Variants in ZNF665 observed in about 807,000 individuals in gnomAD.
The protein encoded by ZNF665 is zinc finger protein 665.
ZNF665 carries 6 observed loss-of-function variants against 7.9 expected under a neutral mutation model. The observed-to-expected ratio is 0.76, with a 90% confidence interval of 0.42 to 1.50. The LOEUF (loss-of-function observed/expected upper bound fraction) is 1.50. Ranked by LOEUF, ZNF665 falls within the 40% of genes most tolerant of loss-of-function variation. ZNF665 has a pLI of 0.01. For missense variants in ZNF665, 819 were observed against 806.7 expected (o/e 1.02, Z -0.18); for synonymous variants, 242 against 274.5 (o/e 0.88, Z 1.17).
Position 53,178,577 on chromosome 19 carries a change from T to A in ZNF665, c.16-3006A>T, listed in dbSNP as rs576191086. On this transcript the variant is annotated intron_variant, in intron 2 of 3. Coordinates refer to ENST00000396424, the MANE Select transcript of ZNF665 (RefSeq NM_024733.5). ...TGTTTCTACAAAAAAGTAAAAATTA[T>A]TAAAAGTAAAAATAAATAAATACAA... Among the ~76,000 whole-genome samples, 35 of 152,106 alleles carry A rather than the reference T, an allele frequency of 2.3e-4. 1 individual carries two copies. In the East Asian group the frequency reaches 5.0e-3, roughly 22 times the overall value.
rs1266846836 is a variant in ZNF665, at chr19:53,162,435, A to G, written c.*2018T>C. The G allele has an allele frequency of 6.6e-6, 1 of 152,236 alleles. No individual in the cohort carries two copies. The highest frequency in any genetic ancestry group is 1.5e-5 in the Non-Finnish European group (1 of 68,046). The allele number at this position is 152,236 out of a possible 1,614,324, so 9.4% of individuals were successfully genotyped here. A position where few individuals can be genotyped will look rare whatever the true frequency, so the allele number is the denominator to read the frequency against. On this transcript the variant is annotated 3_prime_UTR_variant, in exon 4 of 4. Coordinates refer to ENST00000396424, the MANE Select transcript of ZNF665 (RefSeq NM_024733.5). ...TGATTCATTCATACTTATAAAATAC[A>G]TCAAATTTTATTAGTTAAAACATTA...
At chr19:53,173,656 A>G (rs1290455740) in intron 3 of ZNF665, among the ~76,000 whole-genome samples, 1 of 152,066 alleles carries the variant, frequency 6.6e-6, no homozygotes, top group Non-Finnish European at 1.5e-5. Flanking sequence ...TACAGGGGAA[A>G]GCCACCGCAT....
chr19:53,167,778 G>A lies in ZNF665; in HGVS notation c.143-1431C>T, dbSNP rs989197223. ...TCTCTTGAGAAAAGAGGAGTCTGCC[G>A]GGCGCCGGTGGCTCCCGCCTGTAAT... On this transcript the variant is annotated intron_variant, in intron 3 of 3. Coordinates refer to ENST00000396424, the MANE Select transcript of ZNF665 (RefSeq NM_024733.5). Among the ~76,000 whole-genome samples the A allele has an allele frequency of 1.8e-4, 27 of 148,686 alleles. 1 individual carries two copies. The highest frequency in any genetic ancestry group is 6.2e-4 in the East Asian group (3 of 4,846).
At position 53,183,523 on chromosome 19, in the gene ZNF665, C is replaced by A. The variant is rs185000856; in HGVS notation, c.-45-580G>T. 9.7e-3 allele frequency among the ~76,000 whole-genome samples: 1,470 copies of A among 152,214 alleles called. 16 individuals are homozygous for A. Among genetic ancestry groups the A allele is most frequent in the African/African-American group, 0.021 (890 of 41,540 alleles). On this transcript the variant is annotated intron_variant, in intron 1 of 3. Transcript: ENST00000396424. ...GGGGCCGAGCCCAGCACAGCCCCCCCACCTTCTGGCTGTACTTTCCCTGGG... is the reference window on the plus strand; with the variant it reads ...GGGGCCGAGCCCAGCACAGCCCCCCAACCTTCTGGCTGTACTTTCCCTGGG...
At position 53,165,665 on chromosome 19, in the gene ZNF665, T is replaced by C. The variant is rs2090606692; in HGVS notation, c.825A>G (p.Ser275=). 6.2e-7 allele frequency: 1 copy of C among 1,614,230 alleles called. No homozygotes were observed. The highest frequency in any genetic ancestry group is 2.2e-5 in the East Asian group (1 of 44,882). ...NECGKAFRAH[S]KLTTHQVIHT... ...GGATGACCTGATGTGTAGTTAGTTT[T>C]GAATGTGCTCTAAAGGCTTTGCCAC... Residue 275 remains serine (S), a synonymous_variant, in exon 4 of 4, where the codon TCA becomes TCG. Coordinates refer to ENST00000396424, the MANE Select transcript of ZNF665 (RefSeq NM_024733.5).
At chr19:53,181,997 A>G (rs1254421253) in intron 2 of ZNF665, 2 of 152,278 alleles carry the variant, frequency 1.3e-5, no homozygotes, top group African/African-American at 4.8e-5. Context: ...TGGGAGAGGA[A>G]AAGTATGAAA....
At chr19:53,185,246 CG>C (rs1374418358) in intron 1 of ZNF665, among the ~76,000 whole-genome samples, 6 of 152,044 alleles carry the variant, frequency 3.9e-5, no homozygotes, top group African/African-American at 1.4e-4. Context: ...TTGCCACTTA[CG>C]CTACCGCTAG....
At chr19:53,167,460 C>CTTT (rs67847094) in intron 3 of ZNF665, among the ~76,000 whole-genome samples, 1 of 149,692 alleles carries the variant, frequency 6.7e-6, no homozygotes. Flanking sequence ...CAATTTCTCT[C>CTTT]TCTTTTTTTT....
chr19:53,169,324 C>T (rs923899291), intron 3 of ZNF665, among the ~76,000 whole-genome samples: 1 of 151,930 alleles, frequency 6.6e-6, no homozygotes, highest in Non-Finnish European at 1.5e-5. Context: ...AGATATTCAA[C>T]ATCATAGTCA....
chr19:53,169,056 A>T (rs1475282881), intron 3 of ZNF665, among the ~76,000 whole-genome samples: 1 of 152,172 alleles, frequency 6.6e-6, no homozygotes, highest in Non-Finnish European at 1.5e-5. Flanking sequence ...CCTAGATATG[A>T]TACCACAATC....
chr19:53,191,534 T>C (rs2090816659), intron 1 of ZNF665, among the ~76,000 whole-genome samples: 1 of 152,206 alleles, frequency 6.6e-6, no homozygotes, highest in African/African-American at 2.4e-5. Flanking sequence ...ACAAAATATA[T>C]ACATATAAAA....
chr19:53,182,394 G>A (rs1188644136), intron 2 of ZNF665: 5 of 369,272 alleles, frequency 1.4e-5, no homozygotes, highest in African/African-American at 2.1e-5. Flanking sequence ...AAAAAAAGGA[G>A]TTTGGAGTCA....
At chr19:53,182,680 C>G in intron 2 of ZNF665, 1 of 1,042,462 alleles carries the variant, frequency 9.6e-7, no homozygotes, top group East Asian at 2.6e-5. Context: ...GGTCCATGCC[C>G]CGTGCAGCCT....
Position 53,165,473 on chromosome 19 carries a change from G to A in ZNF665, c.1017C>T (p.Ile339=). 6.2e-7 allele frequency: 1 copy of A among 1,611,322 alleles called. No individual in the cohort carries two copies. Among genetic ancestry groups the A allele is most frequent in the South Asian group, 1.1e-5 (1 of 90,968 alleles). Residue 339 remains isoleucine (I), a synonymous_variant, in exon 4 of 4, where the codon ATC becomes ATT. Coordinates refer to ENST00000396424, the MANE Select transcript of ZNF665 (RefSeq NM_024733.5). ...VRSSLTTHQT[I]HTGEKPYKCN... is the part of the protein sequence containing the mutation. ...ATTTGTAAGGTTTTTCTCCAGTGTG[G>A]ATTGTCTGATGGGTAGTCAGGCTTG...
At chr19:53,172,306 A>C in intron 3 of ZNF665, among the ~76,000 whole-genome samples, 1 of 152,130 alleles carries the variant, frequency 6.6e-6, no homozygotes, top group Non-Finnish European at 1.5e-5. Context: ...TTGCTGGATA[A>C]TATAGTACTT....
intron 2 of ZNF665, chr19:53,182,621 C>T (rs762660474): frequency 3.2e-5 from 25 of 783,676 alleles, no homozygotes; most frequent in African/African-American, 1.4e-4. Context: ...ACTGACACCA[C>T]GGGACCCTCA....
Position 53,165,128 on chromosome 19 carries a change from TC to T in ZNF665, c.1361del (p.Gly454GlufsTer76). ...AGTCATTACATTTGTAAGGCTTTTC[TC>T]CAGTATGAATTGCCTGATGGGTAGT... ...SLTTHQAIHT[G>X]EKPYKCNDCG... On this transcript the variant is annotated frameshift_variant, in exon 4 of 4. Transcript: ENST00000396424. LOFTEE classifies it low-confidence loss of function (END_TRUNC). 6.2e-7 allele frequency: 1 copy of T among 1,614,088 alleles called. No individual in the cohort carries two copies. The highest frequency in any genetic ancestry group is 2.2e-5 in the East Asian group (1 of 44,874).
intron 1 of ZNF665, among the ~76,000 whole-genome samples, chr19:53,183,403 A>C (rs935699411): frequency 1.3e-5 from 2 of 152,204 alleles, no homozygotes; most frequent in African/African-American, 4.8e-5. Flanking sequence ...ATGTCACTGA[A>C]GCTGGGCTGC....
Position 53,165,547 on chromosome 19 carries a change from C to T in ZNF665, c.943G>A (p.Glu315Lys). Residue 315 changes from glutamate (E) to lysine (K), a missense_variant, in exon 4 of 4, where the codon GAG becomes AAG. Glu to Lys is a moderately conservative substitution (Grantham distance 56). Transcript: ENST00000396424. ...LASHRRIHTG[E>K]KPYKCNECGK... The stretch of plus-strand genomic sequence containing the variant: ...CACTCATTACACTTGTAAGGCTTCT[C>T]CCCAGTATGAATTCTTCGATGACTT... 6.2e-7 allele frequency: 1 copy of T among 1,614,142 alleles called. No individual in the cohort carries two copies. The highest frequency in any genetic ancestry group is 1.1e-5 in the South Asian group (1 of 91,072).
Sources: allele counts gnomAD v4.1 joint callset (sites outside exome capture counted in the v4.1 genomes callset), GRCh38; gene constraint gnomAD v4.1.1; transcripts MANE v1.5; gene names NCBI Gene and HGNC (gene_info 2026-07-23, HGNC 2026-07-21).